The following WDPCP variants were observed in gnomAD, a reference collection of about 807,000 sequenced individuals.
WDPCP encodes WD repeat containing planar cell polarity effector.
A neutral mutation model predicts 93.1 loss-of-function variants in WDPCP; 71 were observed. That is an observed-to-expected ratio of 0.76 (90% CI 0.63 to 0.93). WDPCP has a LOEUF of 0.93. Among genes scored for constraint, WDPCP ranks in the 40% least tolerant of loss-of-function variants. WDPCP has a pLI of 0.00. For synonymous variants in WDPCP, 315 were observed against 315.0 expected (o/e 1.00, Z 0.00); for missense variants, 844 against 887.4 (o/e 0.95, Z 0.62).
At chr2:63,372,185 A>G (rs936906205) in intron 12 of WDPCP, among the ~76,000 whole-genome samples, 1 of 152,092 alleles carries the variant, frequency 6.6e-6, no homozygotes, top group Non-Finnish European at 1.5e-5. Flanking sequence ...CCAACCAAAT[A>G]TGGTCATTTG....
chr2:63,705,673 A>C (rs889276847), intron 2 of WDPCP, among the ~76,000 whole-genome samples: 1 of 151,658 alleles, frequency 6.6e-6, no homozygotes, highest in Non-Finnish European at 1.5e-5. Flanking sequence ...AGTTTTTTAT[A>C]ATTTCTGTTC....
chr2:63,637,406 C>G (rs1199288080), intron 3 of WDPCP, among the ~76,000 whole-genome samples: 1 of 114,614 alleles, frequency 8.7e-6, no homozygotes, highest in Non-Finnish European at 1.7e-5. Flanking sequence ...CAAAAAAAAC[C>G]AGTGGCTACA....
upstream of WDPCP, chr2:63,590,534 C>T (rs1709172684): frequency 6.6e-6 from 1 of 152,162 alleles, no homozygotes; most frequent in South Asian, 2.1e-4. Flanking sequence ...AATATGTTAT[C>T]AGCATGTAGA....
At chr2:63,492,686 G>A (rs1575520535) in intron 2 of WDPCP, among the ~76,000 whole-genome samples, 170 bp downstream of exon 2, 1 of 151,890 alleles carries the variant, frequency 6.6e-6, no homozygotes, top group South Asian at 2.1e-4. Context: ...TGTAAATATT[G>A]TTAGTAAGAG....
intron 1 of WDPCP, among the ~76,000 whole-genome samples, chr2:63,526,367 T>C (rs1209143823): frequency 6.6e-6 from 1 of 152,204 alleles, no homozygotes; most frequent in African/African-American, 2.4e-5. Flanking sequence ...TTCTCCTCTA[T>C]TTTAAAATAT....
At chr2:63,337,509 A>G (rs1467781465) in intron 12 of WDPCP, among the ~76,000 whole-genome samples, 5 of 152,172 alleles carry the variant, frequency 3.3e-5, no homozygotes, top group Non-Finnish European at 7.4e-5. Context: ...ATGCAGTAGT[A>G]TATATTTAAA....
intron 12 of WDPCP, among the ~76,000 whole-genome samples, chr2:63,365,374 T>A (rs1477799753): frequency 1.3e-5 from 2 of 152,284 alleles, no homozygotes; most frequent in East Asian, 3.9e-4. Context: ...CGTAATAATA[T>A]TCAGTTACCT....
chr2:63,617,962 A>T (rs2106633827), intron 3 of WDPCP, among the ~76,000 whole-genome samples: 1 of 152,370 alleles, frequency 6.6e-6, no homozygotes, highest in East Asian at 1.9e-4. Context: ...CTTTTAGGCA[A>T]GACAACATGA....
intron 17 of WDPCP, among the ~76,000 whole-genome samples, chr2:63,136,034 G>C (rs1043999878): frequency 1.2e-4 from 19 of 152,316 alleles, no homozygotes; most frequent in Admixed American, 1.1e-3. Flanking sequence ...CACTGAACAA[G>C]GAAATCTGAG....
intron 17 of WDPCP, among the ~76,000 whole-genome samples, chr2:63,128,812 G>A (rs1670096658): frequency 6.6e-6 from 1 of 152,162 alleles, no homozygotes; most frequent in African/African-American, 2.4e-5. Flanking sequence ...GGGATTACAG[G>A]CATGTGCCAC....
chr2:63,565,250 CA>C (rs1347137417), intron 1 of WDPCP, among the ~76,000 whole-genome samples: 1 of 151,732 alleles, frequency 6.6e-6, no homozygotes, highest in African/African-American at 2.4e-5. Context: ...GTTTTAAGAC[CA>C]AAAAAAGTAA....
chr2:63,560,222 G>A (rs183915345), intron 1 of WDPCP, among the ~76,000 whole-genome samples: 33 of 151,628 alleles, frequency 2.2e-4, no homozygotes, highest in Admixed American at 5.3e-4. Context: ...AAAATCCGTC[G>A]CAAGAAAATA....
At chr2:63,672,639 TA>T (rs1162279143) in intron 2 of WDPCP, among the ~76,000 whole-genome samples, 5 of 151,814 alleles carry the variant, frequency 3.3e-5, no homozygotes, top group Admixed American at 2.0e-4. Flanking sequence ...ATTTTTATTT[TA>T]TTTTTTTGAG....
intron 14 of WDPCP, among the ~76,000 whole-genome samples, chr2:63,211,914 A>G (rs1202313794): frequency 6.6e-6 from 1 of 152,240 alleles, no homozygotes; most frequent in East Asian, 1.9e-4. Context: ...AGAGAAGTTC[A>G]GAGAAAAAAG....
intron 1 of WDPCP, among the ~76,000 whole-genome samples, chr2:63,496,323 C>T (rs149193657): frequency 6.6e-6 from 1 of 152,202 alleles, no homozygotes; most frequent in Non-Finnish European, 1.5e-5. Context: ...CTCCTGATAA[C>T]AGAACTGGAG....
intron 14 of WDPCP, among the ~76,000 whole-genome samples, chr2:63,215,425 C>CT (rs1677236629): frequency 6.6e-6 from 1 of 152,208 alleles, no homozygotes; most frequent in South Asian, 2.1e-4. Context: ...ACCATCTGAT[C>CT]TTTGACAAAC....
intron 13 of WDPCP, among the ~76,000 whole-genome samples, chr2:63,304,606 A>G (rs1056790713): frequency 2.0e-5 from 3 of 152,192 alleles, no homozygotes; most frequent in African/African-American, 7.2e-5. Context: ...CAACTTGCAG[A>G]CCAGGAGATT....
At chr2:63,515,180 G>C (rs989440753) in intron 1 of WDPCP, among the ~76,000 whole-genome samples, 2 of 152,122 alleles carry the variant, frequency 1.3e-5, no homozygotes, top group African/African-American at 4.8e-5. Context: ...AAGCTTTACA[G>C]TAAGCTATAC....
chr2:63,150,363 C>T (rs1345305716), intron 17 of WDPCP, among the ~76,000 whole-genome samples: 2 of 152,062 alleles, frequency 1.3e-5, no homozygotes, highest in African/African-American at 4.8e-5. Flanking sequence ...ATTTGGTTGC[C>T]GTGACTGGGG....
Sources: gnomAD v4.1 joint callset for allele counts (sites outside exome capture counted in the v4.1 genomes callset) on GRCh38, gnomAD v4.1.1 for gene constraint, MANE v1.5 for transcripts, NCBI Gene and HGNC (gene_info 2026-07-23, HGNC 2026-07-21) for gene names.